ELP3: variants seen among roughly 807,000 people sequenced by gnomAD.
ELP3 encodes the protein elongator acetyltransferase complex subunit 3.
ELP3 carries 56 observed loss-of-function variants against 74.9 expected under a neutral mutation model. The ratio of observed to expected loss-of-function variants is 0.75; its 90% CI spans 0.60 to 0.93. The LOEUF is 0.93. Among genes scored for constraint, ELP3 ranks in the 40% least tolerant of loss-of-function variants. ELP3 has a pLI of 0.00. For missense variants in ELP3, 573 were observed against 686.5 expected (o/e 0.83, Z 1.85); for synonymous variants, 222 against 239.8 (o/e 0.93, Z 0.68).
At chr8:28,107,509 CT>C (rs1232477641) in intron 4 of ELP3, among the ~76,000 whole-genome samples, 5 of 152,082 alleles carry the variant, frequency 3.3e-5, no homozygotes. Context: ...TCAAACTCAC[CT>C]ATTTGAAAGA....
chr8:28,098,459 G>A (rs763832625), intron 2 of ELP3, among the ~76,000 whole-genome samples: 5 of 152,044 alleles, frequency 3.3e-5, no homozygotes, highest in Admixed American at 6.6e-5. Flanking sequence ...TTTTTCTACC[G>A]TGTCTTTAGA....
chr8:28,135,238 C>A (rs1812940143), intron 9 of ELP3, among the ~76,000 whole-genome samples: 1 of 152,148 alleles, frequency 6.6e-6, no homozygotes, highest in South Asian at 2.1e-4. Context: ...TAAAGCGATT[C>A]CTTATGCTTT....
At chr8:28,158,782 G>C in intron 12 of ELP3, 149 bp downstream of exon 12, 1 of 657,728 alleles carries the variant, frequency 1.5e-6, no homozygotes, top group Non-Finnish European at 2.6e-6. Flanking sequence ...GTGTCAAACC[G>C]TGAAAGCCAA....
chr8:28,133,069 T>G (rs1170135607), intron 9 of ELP3, among the ~76,000 whole-genome samples: 1 of 152,164 alleles, frequency 6.6e-6, no homozygotes, highest in Non-Finnish European at 1.5e-5. Context: ...TCCCAAATAA[T>G]TCTCTCCTGT....
chr8:28,163,795 T>C (rs1268778205), intron 14 of ELP3, among the ~76,000 whole-genome samples: 1 of 152,144 alleles, frequency 6.6e-6, no homozygotes, highest in Non-Finnish European at 1.5e-5. Context: ...ACTGTTAGCG[T>C]TCTAGTAAAG....
intron 7 of ELP3, among the ~76,000 whole-genome samples, chr8:28,118,546 G>A (rs1440180781): frequency 6.6e-6 from 1 of 152,174 alleles, no homozygotes; most frequent in Non-Finnish European, 1.5e-5. Context: ...CAGCTGGACT[G>A]AGATTCTTCA....
intron 14 of ELP3, among the ~76,000 whole-genome samples, chr8:28,171,080 A>T (rs1313275810): frequency 2.0e-5 from 3 of 152,190 alleles, no homozygotes; most frequent in Non-Finnish European, 4.4e-5. Flanking sequence ...TTTGCTTATC[A>T]TCCATCAGTC....
chr8:28,108,603 A>G (rs377292978), intron 5 of ELP3, among the ~76,000 whole-genome samples: 34 of 151,838 alleles, frequency 2.2e-4, no homozygotes, highest in African/African-American at 8.2e-4. Context: ...ACTACAGGCA[A>G]GCACCACCAC....
intron 6 of ELP3, 59 bp downstream of exon 6, chr8:28,110,497 A>G (rs1585649527): frequency 5.2e-6 from 7 of 1,347,364 alleles, no homozygotes; most frequent in Non-Finnish European, 6.2e-6. Context: ...GTAAGAAGCC[A>G]TTGTTGCTTG....
chr8:28,100,387 G>A (rs1585632422), intron 3 of ELP3, among the ~76,000 whole-genome samples: 1 of 152,366 alleles, frequency 6.6e-6, no homozygotes, highest in East Asian at 1.9e-4. Flanking sequence ...TGCAGCAAAA[G>A]GGGCTGGGGA....
At chr8:28,166,601 C>T (rs1814315462) in intron 14 of ELP3, among the ~76,000 whole-genome samples, 1 of 152,182 alleles carries the variant, frequency 6.6e-6, no homozygotes, top group East Asian at 1.9e-4. Context: ...AAAATGTTAA[C>T]ATGAGCAGTT....
At chr8:28,100,726 G>T (rs1365092667) in intron 3 of ELP3, among the ~76,000 whole-genome samples, 1 of 152,236 alleles carries the variant, frequency 6.6e-6, no homozygotes, top group African/African-American at 2.4e-5. Flanking sequence ...GATACAACAT[G>T]CAGGGTAGTT....
intron 3 of ELP3, among the ~76,000 whole-genome samples, chr8:28,104,491 C>A (rs1229753665): frequency 1.3e-5 from 2 of 152,226 alleles, no homozygotes; most frequent in African/African-American, 4.8e-5. Context: ...TCCCACAGAA[C>A]CTAGTTCAGA....
intron 10 of ELP3, among the ~76,000 whole-genome samples, chr8:28,140,112 TTTTG>T (rs954447646): frequency 2.5e-5 from 3 of 121,516 alleles, no homozygotes; most frequent in East Asian, 5.8e-4. Context: ...ACTGTACATA[TTTTG>T]TGTGTGTGTG....
At position 28,132,351 on chromosome 8, in the gene ELP3, A is replaced by G. The variant is rs372074866; in HGVS notation, c.853A>G (p.Met285Val). ...KDSGFKVVAH[M>V]MPDLPNVGLE... ...TTCCGGTTTTAAAGTGGTGGCCCAT[A>G]TGATGCCTGACCTGCCAAACGTGGG... The change falls in exon 9 of 15, where the codon ATG (methionine) becomes GTG (valine). Residue 285 changes from methionine (M) to valine (V), a missense_variant. Transcript: ENST00000256398. 19 of 1,614,038 alleles carry G rather than the reference A, an allele frequency of 1.2e-5. No individual in the cohort carries two copies. Among genetic ancestry groups the G allele is most frequent in the Non-Finnish European group, 1.5e-5 (18 of 1,179,990 alleles).
chr8:28,161,889 T>C lies in ELP3; in HGVS notation c.1486-108T>C. ...TCCCATAAGTGGGCTTTTTCACTCTTAACAGATTTTAGCAACTACTAAAGT... is the reference window on the plus strand; with the variant it reads ...TCCCATAAGTGGGCTTTTTCACTCTCAACAGATTTTAGCAACTACTAAAGT... On this transcript the variant is annotated intron_variant, in intron 13 of 14. Coordinates refer to ENST00000256398, the MANE Select transcript of ELP3 (RefSeq NM_018091.6). The C allele has an allele frequency of 2.9e-6, 3 of 1,046,142 alleles. No homozygotes were observed. The Admixed American group carries it at 7.1e-5, about 25-fold the overall frequency. The allele number at this position is 1,046,142 out of a possible 1,614,324, so 64.8% of individuals were successfully genotyped here.
chr8:28,100,442 A>C lies in ELP3; in HGVS notation c.258+476A>C, dbSNP rs75983658. ...CAGCTTGCTTGACCCATAAGCCAAGAAGAGCAGGCTCTAAGTGTCATGGGA... is the reference window on the plus strand; with the variant it reads ...CAGCTTGCTTGACCCATAAGCCAAGCAGAGCAGGCTCTAAGTGTCATGGGA... On this transcript the variant is annotated intron_variant, in intron 3 of 14. Coordinates refer to ENST00000256398, the MANE Select transcript of ELP3 (RefSeq NM_018091.6). Among the ~76,000 whole-genome samples the C allele has an allele frequency of 3.8e-3, 578 of 152,362 alleles. 2 individuals carry two copies. Among genetic ancestry groups the C allele is most frequent in the Admixed American group, 6.6e-3 (101 of 15,302 alleles).
chr8:28,107,906 C>A lies in ELP3; in HGVS notation c.330-7C>A. ...CTGACATTCTTGTTCTTTTGTTGTA[C>A]TGGCAGATACTGCCCTGGTGGACCT... is the stretch of plus-strand genomic sequence containing the variant. On this transcript the variant is annotated splice_region_variant and splice_polypyrimidine_tract_variant and intron_variant, in intron 4 of 14. Coordinates refer to ENST00000256398, the MANE Select transcript of ELP3 (RefSeq NM_018091.6). The A allele has an allele frequency of 6.2e-7, 1 of 1,613,116 alleles. No homozygotes were observed. The highest frequency in any genetic ancestry group is 1.1e-5 in the South Asian group (1 of 90,998).
In ELP3 at chr8:28,163,708, G is replaced by A. The variant is rs79333486; in HGVS notation, c.1567+1630G>A. 1.2e-3 allele frequency among the ~76,000 whole-genome samples: 182 copies of A among 152,338 alleles called. 3 individuals carry two copies. The East Asian group carries it at 0.027, about 23-fold the overall frequency. ...AGAAGTACCAGGCAAGGGCCAGACT[G>A]ACTTAGAAGCCCTCTGCACATGTGT... On this transcript the variant is annotated intron_variant, in intron 14 of 14. Coordinates refer to ENST00000256398, the MANE Select transcript of ELP3 (RefSeq NM_018091.6).
Sources: gnomAD v4.1 joint callset for allele counts (sites outside exome capture counted in the v4.1 genomes callset) on GRCh38, gnomAD v4.1.1 for gene constraint, MANE v1.5 for transcripts, NCBI Gene and HGNC (gene_info 2026-07-23, HGNC 2026-07-21) for gene names.